Variants in F13A1 observed in about 807,000 individuals in gnomAD.
F13A1 encodes the protein FSF, A subunit.
Under a neutral mutation model 80.1 loss-of-function variants are expected in F13A1, and 47 were observed. The observed-to-expected ratio is 0.59, with a 90% CI of 0.46 to 0.75. The LOEUF (loss-of-function observed/expected upper bound fraction) is 0.75, where lower values mean the gene tolerates loss of function less well. F13A1 is among the 30% of genes least tolerant of loss of function. The probability of loss-of-function intolerance (pLI) is 0.00; values close to 1 mark genes in which losing one functional copy is unlikely to be tolerated. For synonymous variants in F13A1, 349 were observed against 344.9 expected (o/e 1.01, Z -0.13); for missense variants, 817 against 930.4 (o/e 0.88, Z 1.59).
intron 12 of F13A1, among the ~76,000 whole-genome samples, chr6:6,173,353 C>A (rs541745976): frequency 5.9e-5 from 9 of 151,848 alleles, no homozygotes; most frequent in South Asian, 4.2e-4. Flanking sequence ...AGGCAGAAAA[C>A]CTCTTCCTAG....
At chr6:6,274,557 C>G (rs1757963005) in intron 3 of F13A1, among the ~76,000 whole-genome samples, 1 of 152,190 alleles carries the variant, frequency 6.6e-6, no homozygotes, top group South Asian at 2.1e-4. Context: ...AAGAACATAA[C>G]ATGAACTTCA....
chr6:6,255,271 T>C (rs1053961241), intron 4 of F13A1, among the ~76,000 whole-genome samples: 3 of 152,180 alleles, frequency 2.0e-5, no homozygotes, highest in Admixed American at 2.0e-4. Context: ...TGCTTATTTA[T>C]GGCCAGGAAC....
At chr6:6,205,060 G>A (rs535772604) in intron 8 of F13A1, among the ~76,000 whole-genome samples, 9 of 152,212 alleles carry the variant, frequency 5.9e-5, no homozygotes, top group Non-Finnish European at 1.2e-4. Context: ...ATAAATGGAG[G>A]GCGCCATGGG....
chr6:6,291,091 T>A (rs893218915), intron 3 of F13A1, among the ~76,000 whole-genome samples: 4 of 152,194 alleles, frequency 2.6e-5, no homozygotes, highest in African/African-American at 9.7e-5. Context: ...TCTAAGACCC[T>A]ATAGCACCTG....
Position 6,318,563 on chromosome 6 carries a change from G to A in F13A1, c.102C>T (p.Gly34=), listed in dbSNP as rs187027323. 1.6e-4 allele frequency: 258 copies of A among 1,613,670 alleles called. 1 individual carries two copies. In the East Asian group the frequency reaches 4.7e-3, roughly 29 times the overall value. Residue 34 remains glycine (G), a synonymous_variant, in exon 2 of 15, where the codon GGC becomes GGT. Transcript: ENST00000264870. The part of the protein sequence containing the change: ...EDDLPTVELQ[G]VVPRGVNLQE... ...GCAGGTTGACGCCCCGGGGCACCAC[G>A]CCCTGAAGCTCCACTGTGGGCAGGT...
intron 8 of F13A1, among the ~76,000 whole-genome samples, chr6:6,204,444 C>G (rs770365684): frequency 6.6e-6 from 1 of 152,242 alleles, no homozygotes; most frequent in Admixed American, 6.5e-5. Context: ...AAGGCACTGT[C>G]TATCTTGCAA....
Position 6,269,696 on chromosome 6 carries a change from GT to G in F13A1, c.320-2888del, listed in dbSNP as rs201175261. 1.2e-3 allele frequency among the ~76,000 whole-genome samples: 179 copies of G among 145,758 alleles called. 1 individual carries two copies. In the East Asian group the frequency reaches 0.016, roughly 13 times the overall value. Reference sequence around the variant, plus strand: ...GCGGGCCAAATGTAGCTTACCTACTGTTTTTTTTTTTGTTTGTTTTATTTTG... The same window carrying G: ...GCGGGCCAAATGTAGCTTACCTACTGTTTTTTTTTTGTTTGTTTTATTTTG... On this transcript the variant is annotated intron_variant, in intron 3 of 14. Transcript: ENST00000264870.
chr6:6,281,987 C>A (rs1410922478), intron 3 of F13A1, among the ~76,000 whole-genome samples: 1 of 103,356 alleles, frequency 9.7e-6, no homozygotes, highest in Non-Finnish European at 1.9e-5. Context: ...GAGTGAGACT[C>A]CGTCTCAAAA....
At chr6:6,302,781 G>T (rs1758452289) in intron 3 of F13A1, among the ~76,000 whole-genome samples, 1 of 152,170 alleles carries the variant, frequency 6.6e-6, no homozygotes, top group South Asian at 2.1e-4. Flanking sequence ...AGCTCCATCA[G>T]AATCTCATAA....
intron 2 of F13A1, among the ~76,000 whole-genome samples, chr6:6,315,739 A>G (rs1758670702): frequency 2.6e-5 from 4 of 151,976 alleles, no homozygotes. Flanking sequence ...TAACTGGAAG[A>G]GTGGCCACTG....
chr6:6,199,551 C>A (rs56130552), intron 8 of F13A1, among the ~76,000 whole-genome samples: 1 of 151,806 alleles, frequency 6.6e-6, no homozygotes, highest in Admixed American at 6.6e-5. Flanking sequence ...GGGGAGGAAG[C>A]TGAAACCCAG....
intron 3 of F13A1, among the ~76,000 whole-genome samples, chr6:6,296,599 A>C (rs972942697): frequency 2.0e-5 from 3 of 150,246 alleles, no homozygotes; most frequent in Admixed American, 2.0e-4. Context: ...TTGATTTTGT[A>C]TCCTGAGACT....
intron 4 of F13A1, among the ~76,000 whole-genome samples, chr6:6,258,775 C>G (rs1454859632): frequency 6.6e-6 from 1 of 152,070 alleles, no homozygotes; most frequent in Non-Finnish European, 1.5e-5. Flanking sequence ...AAAATTTTTC[C>G]ATAAGCTTTA....
chr6:6,207,783 T>G (rs1761521632), intron 8 of F13A1, among the ~76,000 whole-genome samples: 1 of 152,218 alleles, frequency 6.6e-6, no homozygotes, highest in African/African-American at 2.4e-5. Context: ...AATTGTTATA[T>G]GACCACTAAG....
At chr6:6,147,326 C>CT (rs1312806435) in intron 14 of F13A1, among the ~76,000 whole-genome samples, 1 of 152,124 alleles carries the variant, frequency 6.6e-6, no homozygotes. Flanking sequence ...GAAGAAAAGG[C>CT]TTTTTCTGAC....
chr6:6,204,034 T>C (rs992679131), intron 8 of F13A1, among the ~76,000 whole-genome samples: 5 of 152,178 alleles, frequency 3.3e-5, no homozygotes, highest in Non-Finnish European at 2.9e-5. Context: ...TAAGGTCATA[T>C]CCAGAGGTAT....
At chr6:6,206,383 C>A in intron 8 of F13A1, 1 of 440,726 alleles carries the variant, frequency 2.3e-6, no homozygotes, top group Non-Finnish European at 4.6e-6. Context: ...TATGATTAAC[C>A]AGAACATGAT....
chr6:6,221,524 G>A (rs1017289417), intron 8 of F13A1, among the ~76,000 whole-genome samples: 11 of 152,166 alleles, frequency 7.2e-5, no homozygotes, highest in African/African-American at 1.2e-4. Context: ...ATGTATGACC[G>A]TGAGCAAGCC....
At chr6:6,304,347 T>C (rs6930146) in intron 3 of F13A1, among the ~76,000 whole-genome samples, 18,063 of 152,132 alleles carry the variant, frequency 0.12, 2,228 homozygotes, top group African/African-American at 0.31. Flanking sequence ...TAGGATTATA[T>C]GGGCAGATTT....
Sources: gnomAD v4.1 joint callset for allele counts (sites outside exome capture counted in the v4.1 genomes callset) on GRCh38, gnomAD v4.1.1 for gene constraint, MANE v1.5 for transcripts, NCBI Gene and HGNC (gene_info 2026-07-23, HGNC 2026-07-21) for gene names.